ADAM12: variants seen among roughly 807,000 people sequenced by gnomAD.
ADAM12 encodes the protein disintegrin and metalloproteinase domain-containing protein 12.
Under a neutral mutation model 106.4 loss-of-function variants are expected in ADAM12, and 70 were observed. The observed-to-expected ratio is 0.66, with a 90% CI of 0.54 to 0.80. The LOEUF is 0.80. Ranked by LOEUF, ADAM12 falls within the 30% of genes least tolerant of loss-of-function variation. The pLI is 0.00. For synonymous variants in ADAM12, 420 were observed against 433.5 expected, an observed-to-expected ratio of 0.97 and a Z score of 0.39; for missense variants, 1,010 against 1,171.9, an observed-to-expected ratio of 0.86 and a Z score of 2.02.
At chr10:126,143,105 T>C (rs1003845825) in intron 4 of ADAM12, among the ~76,000 whole-genome samples, 8 of 151,642 alleles carry the variant, frequency 5.3e-5, no homozygotes, top group African/African-American at 1.9e-4. Context: ...GTGTATATGG[T>C]GTGCATGTGT....
Position 126,198,098 on chromosome 10 carries a change from G to A in ADAM12, c.261-42793C>T, listed in dbSNP as rs544301526. Among the ~76,000 whole-genome samples the A allele has an allele frequency of 6.6e-5, 10 of 152,370 alleles. No homozygotes were observed. The South Asian group carries it at 2.1e-3, about 32-fold the overall frequency. ...TATCTCCTCATGGGTTGGGGCTGGT[G>A]TTCAGTCAAGATGGACAGCCACTAC... On this transcript the variant is annotated intron_variant, in intron 3 of 22. Transcript: ENST00000448723.
At chr10:126,117,990 C>G in intron 6 of ADAM12, 48 bp downstream of exon 6, 1 of 1,595,242 alleles carries the variant, frequency 6.3e-7, no homozygotes, top group Non-Finnish European at 8.6e-7. Flanking sequence ...GTATCCGTAG[C>G]TTGAGCTCCT....
rs915939645 is a variant in ADAM12 at position 126,101,220 on chromosome 10, G to T, written c.763C>A (p.Arg255=). Residue 255 remains arginine (R), a synonymous_variant, in exon 9 of 23, where the codon CGG becomes AGG. Transcript: ENST00000448723. ...VDKFYRPLNI[R]IVLVGVEVWN... is the part of the protein sequence containing the mutation. ...ACTTCCACGCCTACCAACACGATCC[G>T]AATGTTCAGTGGTCTGTAAAACTGG... 6.8e-6 allele frequency: 11 copies of T among 1,614,110 alleles called. No individual in the cohort carries two copies. The highest frequency in any genetic ancestry group is 8.5e-6 in the Non-Finnish European group (10 of 1,179,990).
At chr10:126,312,824 G>T (rs1210176521) in intron 2 of ADAM12, among the ~76,000 whole-genome samples, 1 of 152,156 alleles carries the variant, frequency 6.6e-6, no homozygotes, top group Admixed American at 6.6e-5. Flanking sequence ...TGACAAACCA[G>T]GAACGATGCC....
chr10:126,303,284 CTG>C (rs1378723497), intron 2 of ADAM12, among the ~76,000 whole-genome samples: 6 of 152,164 alleles, frequency 3.9e-5, no homozygotes, highest in Admixed American at 3.9e-4. Flanking sequence ...GTAACAACAG[CTG>C]TTTTTATTGC....
chr10:126,319,872 G>C (rs1166402951), intron 2 of ADAM12, among the ~76,000 whole-genome samples: 1 of 152,164 alleles, frequency 6.6e-6, no homozygotes, highest in Non-Finnish European at 1.5e-5. Context: ...GAGCAGTCTT[G>C]GGAGGATGGA....
chr10:126,026,121 C>A (rs889727356), intron 21 of ADAM12, among the ~76,000 whole-genome samples: 12 of 152,108 alleles, frequency 7.9e-5, no homozygotes, highest in African/African-American at 2.9e-4. Flanking sequence ...AAGACACACA[C>A]AGGCTCAAAA....
chr10:126,044,326 C>T (rs568252450), intron 17 of ADAM12, among the ~76,000 whole-genome samples: 20 of 151,066 alleles, frequency 1.3e-4, no homozygotes, highest in Non-Finnish European at 2.5e-4. Flanking sequence ...TTTGGGAACA[C>T]TGGATTAAAA....
chr10:126,174,299 A>G (rs985521483), intron 3 of ADAM12, among the ~76,000 whole-genome samples: 13 of 151,678 alleles, frequency 8.6e-5, no homozygotes, highest in South Asian at 2.1e-4. Flanking sequence ...CAAATACTTC[A>G]TTGCATATTT....
rs548523212 is a variant in ADAM12 at position 126,136,413 on chromosome 10, T to G, written c.340-753A>C. ...ACTGGCAAGAAGTGGCTGAGTATACTCAGTACTCCTCACTCAGATCCTCTG... is the reference window on the plus strand; with the variant it reads ...ACTGGCAAGAAGTGGCTGAGTATACGCAGTACTCCTCACTCAGATCCTCTG... On this transcript the variant is annotated intron_variant, in intron 4 of 22. Coordinates refer to ENST00000448723, the MANE Select transcript of ADAM12 (RefSeq NM_001288973.2). 5.3e-5 allele frequency among the ~76,000 whole-genome samples: 8 copies of G among 152,228 alleles called. No homozygotes were observed. In the South Asian group the frequency reaches 1.7e-3, roughly 32 times the overall value.
At chr10:126,128,736 CGT>C (rs1411708288) in intron 5 of ADAM12, among the ~76,000 whole-genome samples, 2 of 106,616 alleles carry the variant, frequency 1.9e-5, no homozygotes, top group East Asian at 2.8e-4. Flanking sequence ...GTGTGTGGTG[CGT>C]GTGTGGGAAT....
intron 21 of ADAM12, among the ~76,000 whole-genome samples, chr10:126,031,161 T>C (rs1953965093): frequency 6.6e-6 from 1 of 152,276 alleles, no homozygotes; most frequent in South Asian, 2.1e-4. Flanking sequence ...ACCAGCACCT[T>C]TACCAGTTAT....
At chr10:126,096,860 T>C (rs960639726) in intron 10 of ADAM12, among the ~76,000 whole-genome samples, 5 of 152,258 alleles carry the variant, frequency 3.3e-5, no homozygotes, top group African/African-American at 7.2e-5. Flanking sequence ...TGATCTTCAA[T>C]TGAATCTTAT....
At chr10:126,249,924 G>A (rs944890728) in intron 3 of ADAM12, among the ~76,000 whole-genome samples, 1 of 152,162 alleles carries the variant, frequency 6.6e-6, no homozygotes, top group African/African-American at 2.4e-5. Flanking sequence ...ATTCCTTAAA[G>A]GGAGAACTGG....
intron 12 of ADAM12, among the ~76,000 whole-genome samples, chr10:126,067,624 C>T (rs999944331): frequency 6.6e-6 from 1 of 152,218 alleles, no homozygotes; most frequent in African/African-American, 2.4e-5. Flanking sequence ...AAGGCCTGCA[C>T]GCATTTATCA....
chr10:126,277,607 T>C (rs565361584), intron 3 of ADAM12, among the ~76,000 whole-genome samples: 3 of 152,238 alleles, frequency 2.0e-5, no homozygotes, highest in Non-Finnish European at 2.9e-5. Context: ...TATGAAAATA[T>C]GTACTTTGCT....
At chr10:126,089,757 C>A (rs1955427332) in intron 11 of ADAM12, among the ~76,000 whole-genome samples, 1 of 152,020 alleles carries the variant, frequency 6.6e-6, no homozygotes, top group South Asian at 2.1e-4. Flanking sequence ...GGTGTCCCCA[C>A]AGCGCCCACA....
intron 1 of ADAM12, among the ~76,000 whole-genome samples, chr10:126,351,643 G>A (rs1855364273): frequency 6.6e-6 from 1 of 152,102 alleles, no homozygotes; most frequent in Non-Finnish European, 1.5e-5. Context: ...GATAGAGAAG[G>A]GGGAGGTCCA....
intron 3 of ADAM12, among the ~76,000 whole-genome samples, chr10:126,275,432 T>C (rs1417971689): frequency 2.6e-5 from 4 of 152,118 alleles, no homozygotes; most frequent in Non-Finnish European, 5.9e-5. Context: ...ATTAGGGATG[T>C]TAGAAGGTAA....
Sources: gnomAD v4.1 joint callset for allele counts (sites outside exome capture counted in the v4.1 genomes callset) on GRCh38, gnomAD v4.1.1 for gene constraint, MANE v1.5 for transcripts, NCBI Gene and HGNC (gene_info 2026-07-23, HGNC 2026-07-21) for gene names.